CYBRD1: variants seen among roughly 807,000 people sequenced by gnomAD.
CYBRD1 encodes the protein cytochrome b reductase 1.
In CYBRD1, 14 loss-of-function variants were observed where a neutral mutation model predicts 21.9. That is an observed-to-expected ratio of 0.64 (90% CI 0.42 to 1.00). The LOEUF (loss-of-function observed/expected upper bound fraction) is 1.00. Ranked by LOEUF, CYBRD1 falls within the 50% of genes least tolerant of loss-of-function variation. The probability of loss-of-function intolerance (pLI) is 0.00; values close to 1 mark genes in which losing one functional copy is unlikely to be tolerated. For missense variants in CYBRD1, 328 were observed against 352.5 expected (o/e 0.93, Z 0.56); for synonymous variants, 146 against 136.5 (o/e 1.07, Z -0.48).
intron 1 of CYBRD1, among the ~76,000 whole-genome samples, chr2:171,529,156 G>C (rs1257589804): frequency 1.3e-5 from 2 of 152,188 alleles, no homozygotes; most frequent in African/African-American, 2.4e-5. Flanking sequence ...ACAAGGATTG[G>C]AGTACAAAGT....
In CYBRD1 at chr2:171,548,811, A is replaced by G. The variant is rs114978181; in HGVS notation, c.403-4535A>G. On this transcript the variant is annotated intron_variant, in intron 2 of 3. Transcript: ENST00000321348. ...AAAACAAAAGAAAAGAAAAAAAACC[A>G]ACCTCAGGCCAGACATGGCATGGTG... is the stretch of plus-strand genomic sequence containing the variant. Among the ~76,000 whole-genome samples, 676 of 151,756 alleles carry G rather than the reference A, an allele frequency of 4.5e-3. 11 individuals carry two copies. Among genetic ancestry groups the G allele is most frequent in the African/African-American group, 0.015 (633 of 41,470 alleles).
At chr2:171,533,775 T>C (rs1413235056) in intron 1 of CYBRD1, among the ~76,000 whole-genome samples, 21 of 150,938 alleles carry the variant, frequency 1.4e-4, no homozygotes, top group Admixed American at 2.0e-4. Context: ...TCTTTCTTTT[T>C]TTTTTTTTTT....
chr2:171,548,664 AAAG>A (rs1403978442), intron 2 of CYBRD1, among the ~76,000 whole-genome samples: 1 of 150,916 alleles, frequency 6.6e-6, no homozygotes, highest in Non-Finnish European at 1.5e-5. Flanking sequence ...AAAAAAAAAA[AAAG>A]CAAACCATAC....
chr2:171,551,643 A>G (rs578248421), intron 2 of CYBRD1, among the ~76,000 whole-genome samples: 226 of 152,324 alleles, frequency 1.5e-3, no homozygotes, highest in African/African-American at 5.2e-3. Flanking sequence ...TCTGTATAAT[A>G]CAAGTCTTCC....
intron 3 of CYBRD1, 112 bp downstream of exon 3, chr2:171,553,612 A>G (rs1003977429): frequency 1.0e-6 from 1 of 976,988 alleles, no homozygotes; most frequent in African/African-American, 1.7e-5. Flanking sequence ...ATTAAAATTA[A>G]AAAATATTTT....
intron 1 of CYBRD1, among the ~76,000 whole-genome samples, chr2:171,528,944 G>A (rs1212939009): frequency 1.3e-5 from 2 of 152,144 alleles, no homozygotes; most frequent in Non-Finnish European, 2.9e-5. Context: ...TCAAAATACA[G>A]TATTATCTAA....
intron 2 of CYBRD1, among the ~76,000 whole-genome samples, chr2:171,545,395 T>G (rs1241457375): frequency 6.6e-6 from 1 of 150,496 alleles, no homozygotes; most frequent in Non-Finnish European, 1.5e-5. Flanking sequence ...TTTTTTTTTT[T>G]TGAGATGGAG....
intron 1 of CYBRD1, among the ~76,000 whole-genome samples, chr2:171,539,251 A>T (rs1697592869): frequency 6.6e-6 from 1 of 152,146 alleles, no homozygotes; most frequent in Admixed American, 6.5e-5. Context: ...TGGGATGCTG[A>T]GGCGGGTGGT....
chr2:171,547,899 G>C (rs1376354223), intron 2 of CYBRD1, among the ~76,000 whole-genome samples: 1 of 152,056 alleles, frequency 6.6e-6, no homozygotes. Flanking sequence ...AGTCTCTGTG[G>C]TTGTGGTTTA....
At chr2:171,549,995 C>T (rs556198450) in intron 2 of CYBRD1, among the ~76,000 whole-genome samples, 98 of 152,296 alleles carry the variant, frequency 6.4e-4, no homozygotes, top group African/African-American at 2.2e-3. Context: ...CTTCAACATA[C>T]GTAAGAATCG....
At chr2:171,548,399 C>CA (rs1351147595) in intron 2 of CYBRD1, among the ~76,000 whole-genome samples, 2 of 151,982 alleles carry the variant, frequency 1.3e-5, no homozygotes, top group Non-Finnish European at 2.9e-5. Context: ...TATGAATGGT[C>CA]AAAAAGTTGG....
chr2:171,555,261 G>T lies in CYBRD1; in HGVS notation c.*434G>T, dbSNP rs2105349279. The stretch of plus-strand genomic sequence containing the variant: ...GTCCTAAAAGTTTAAAATCCGATAA[G>T]GAATATCTGGGACAGGGTTTAGATC... On this transcript the variant is annotated 3_prime_UTR_variant, in exon 4 of 4. Coordinates refer to ENST00000321348, the MANE Select transcript of CYBRD1 (RefSeq NM_024843.4). 2 of 236,926 alleles carry T rather than the reference G, an allele frequency of 8.4e-6. No homozygotes were observed. The highest frequency in any genetic ancestry group is 5.8e-5 in the South Asian group (1 of 17,192). 14.7% of individuals were successfully genotyped at this position (236,926 alleles called of 1,614,324 possible).
intron 3 of CYBRD1, among the ~76,000 whole-genome samples, chr2:171,554,023 G>A (rs1157032706): frequency 6.6e-6 from 1 of 152,196 alleles, no homozygotes; most frequent in East Asian, 1.9e-4. Flanking sequence ...GGTCCAAATA[G>A]CCCCTAGAGG....
rs2105325642 is a variant in CYBRD1 at position 171,522,719 on chromosome 2, C to T, written c.174C>T (p.Phe58=). The part of the protein sequence containing the change: ...NWHPVLMVTG[F]VFIQGIAIIV... ...ACCCAGTGCTCATGGTCACCGGCTT[C>T]GTCTTCATCCAGGGCATCGGTACTG... Residue 58 remains phenylalanine, a synonymous_variant, in exon 1 of 4, where the codon TTC becomes TTT. Transcript: ENST00000321348. This position sits in a 1 kb window ranked among gnomAD's most constrained non-coding sequence, Gnocchi z 4.3. The T allele has an allele frequency of 1.2e-6, 2 of 1,613,482 alleles. No homozygotes were observed. Among genetic ancestry groups the T allele is most frequent in the East Asian group, 4.5e-5 (2 of 44,878 alleles).
chr2:171,553,945 G>GA (rs1441779231), intron 3 of CYBRD1, among the ~76,000 whole-genome samples: 1 of 152,200 alleles, frequency 6.6e-6, no homozygotes, highest in Non-Finnish European at 1.5e-5. Flanking sequence ...TACTGAAAAT[G>GA]AAAGTACACT....
chr2:171,528,511 TC>T (rs35349251), intron 1 of CYBRD1, among the ~76,000 whole-genome samples: 41,691 of 152,090 alleles, frequency 0.27, 6,007 homozygotes, highest in South Asian at 0.38. Context: ...TGCTGGTTCT[TC>T]CTCATCTTCC....
chr2:171,537,046 T>C (rs1697556150), intron 1 of CYBRD1, among the ~76,000 whole-genome samples: 1 of 152,182 alleles, frequency 6.6e-6, no homozygotes, highest in Non-Finnish European at 1.5e-5. Flanking sequence ...CTCTGTACAA[T>C]AGTAATAATA....
At chr2:171,542,673 G>A (rs1263372107) in intron 2 of CYBRD1, among the ~76,000 whole-genome samples, 2 of 152,176 alleles carry the variant, frequency 1.3e-5, no homozygotes, top group South Asian at 2.1e-4. Context: ...AAGCCCAGAC[G>A]TTTGAGATCA....
chr2:171,542,427 A>G (rs1228224167), intron 2 of CYBRD1, among the ~76,000 whole-genome samples: 1 of 151,904 alleles, frequency 6.6e-6, no homozygotes, highest in African/African-American at 2.4e-5. Flanking sequence ...AGGTGGGAGG[A>G]TCATTTGAGC....
Sources: allele counts gnomAD v4.1 joint callset (sites outside exome capture counted in the v4.1 genomes callset), GRCh38; gene constraint gnomAD v4.1.1; non-coding constraint Gnocchi (gnomAD v3.1); transcripts MANE v1.5; gene names NCBI Gene and HGNC (gene_info 2026-07-23, HGNC 2026-07-21).